The following DACH1 variants were observed in gnomAD, a reference collection of about 807,000 sequenced individuals.
The protein encoded by DACH1 is dachshund family transcription factor 1, also known as dachshund homolog 1.
A neutral mutation model predicts 54.2 loss-of-function variants in DACH1; 12 were observed. The observed-to-expected ratio is 0.22, with a 90% CI of 0.14 to 0.36. DACH1 has a LOEUF of 0.36. Ranked by LOEUF, DACH1 falls within the 10% of genes least tolerant of loss-of-function variation. The probability of loss-of-function intolerance (pLI) is 1.00; values close to 1 mark genes in which losing one functional copy is unlikely to be tolerated. For missense variants in DACH1, 805 were observed against 929.8 expected (o/e 0.87, Z 1.75); for synonymous variants, 386 against 366.2 (o/e 1.05, Z -0.62).
At chr13:71,739,292 G>C (rs941689338) in intron 1 of DACH1, among the ~76,000 whole-genome samples, 1 of 151,884 alleles carries the variant, frequency 6.6e-6, no homozygotes, top group African/African-American at 2.4e-5. Context: ...CCAATGAAAA[G>C]AAGTGATGGA....
At chr13:71,725,309 G>A (rs1883420746) in intron 1 of DACH1, among the ~76,000 whole-genome samples, 4 of 151,960 alleles carry the variant, frequency 2.6e-5, no homozygotes, top group African/African-American at 4.8e-5. Context: ...CAAAAAAGAA[G>A]ACAAAAGAGA....
chr13:71,769,028 T>C (rs1305680183), intron 1 of DACH1, among the ~76,000 whole-genome samples: 1 of 151,804 alleles, frequency 6.6e-6, no homozygotes, highest in Admixed American at 6.6e-5. Flanking sequence ...AACATAGCAG[T>C]TCTCTCAGAT....
chr13:71,831,876 T>C (rs186978045), intron 1 of DACH1, among the ~76,000 whole-genome samples: 1 of 152,088 alleles, frequency 6.6e-6, no homozygotes, highest in Non-Finnish European at 1.5e-5. Flanking sequence ...CATCTCTTAT[T>C]AGATTACAAT....
chr13:71,715,155 T>C (rs1253266482), intron 1 of DACH1, among the ~76,000 whole-genome samples: 1 of 152,106 alleles, frequency 6.6e-6, no homozygotes, highest in Admixed American at 6.6e-5. Context: ...TATCTCCGAC[T>C]TCAAAGCCTG....
At chr13:71,801,312 C>T (rs186744504) in intron 1 of DACH1, among the ~76,000 whole-genome samples, 1 of 152,216 alleles carries the variant, frequency 6.6e-6, no homozygotes, top group Admixed American at 6.6e-5. Flanking sequence ...TTAGTACCTA[C>T]TAAGCCATAG....
chr13:71,440,467 C>T lies in DACH1; in HGVS notation c.*188G>A. 1.9e-6 allele frequency: 1 copy of T among 525,022 alleles called. No individual in the cohort carries two copies. Among genetic ancestry groups the T allele is most frequent in the Non-Finnish European group, 3.3e-6 (1 of 300,160 alleles). The allele number at this position is 525,022 out of a possible 1,614,324, so 32.5% of individuals were successfully genotyped here. ...AACATTCTCAGGTCTCTGGTATGAACCACAGGTGAAAATCAATGGAGAAAA... is the reference window on the plus strand; with the variant it reads ...AACATTCTCAGGTCTCTGGTATGAATCACAGGTGAAAATCAATGGAGAAAA... On this transcript the variant is annotated 3_prime_UTR_variant, in exon 11 of 11. Transcript: ENST00000613252.
chr13:71,540,471 T>G lies in DACH1; in HGVS notation c.1570+16553A>C, dbSNP rs764267551. Among the ~76,000 whole-genome samples, 89 of 152,258 alleles carry G rather than the reference T, an allele frequency of 5.8e-4. 1 individual carries two copies. The highest frequency in any genetic ancestry group is 1.1e-3 in the Non-Finnish European group (73 of 67,996). ...GACAGGATGCCTCTTTTGTTTTAAC[T>G]ATAAACCATAATCTTTCAGAAGTAA... On this transcript the variant is annotated intron_variant, in intron 6 of 10. Coordinates refer to ENST00000613252, the MANE Select transcript of DACH1 (RefSeq NM_080759.6).
intron 10 of DACH1, among the ~76,000 whole-genome samples, chr13:71,454,139 C>T (rs932686630): frequency 6.6e-6 from 1 of 152,062 alleles, no homozygotes; most frequent in African/African-American, 2.4e-5. Context: ...TGAAATGAAG[C>T]CTGGAGAAAG....
intron 10 of DACH1, among the ~76,000 whole-genome samples, chr13:71,454,661 C>T (rs1171233740): frequency 1.3e-5 from 2 of 152,254 alleles, no homozygotes; most frequent in Admixed American, 1.3e-4. Context: ...CCCAGGCCCT[C>T]AGTCTAGCAC....
chr13:71,513,828 T>G (rs1048211046), intron 6 of DACH1, among the ~76,000 whole-genome samples: 1 of 152,094 alleles, frequency 6.6e-6, no homozygotes, highest in Non-Finnish European at 1.5e-5. Context: ...GGTAGATTTG[T>G]TCTCTGTGTA....
intron 1 of DACH1, among the ~76,000 whole-genome samples, chr13:71,863,126 A>C (rs990206246): frequency 7.2e-5 from 11 of 152,144 alleles, no homozygotes; most frequent in Non-Finnish European, 1.6e-4. Context: ...AAGTAATCAT[A>C]ATTTTATAAA....
At chr13:71,710,739 C>T (rs1208901180) in intron 1 of DACH1, among the ~76,000 whole-genome samples, 1 of 152,106 alleles carries the variant, frequency 6.6e-6, no homozygotes, top group Non-Finnish European at 1.5e-5. Flanking sequence ...CATTTCCTTT[C>T]TTCCCTCTTT....
chr13:71,756,113 C>G (rs1364780124), intron 1 of DACH1, among the ~76,000 whole-genome samples: 2 of 152,092 alleles, frequency 1.3e-5, no homozygotes, highest in Non-Finnish European at 2.9e-5. Context: ...TCACTGCAAT[C>G]TCTGCCTCCC....
At chr13:71,766,108 G>A (rs1397384639) in intron 1 of DACH1, among the ~76,000 whole-genome samples, 2 of 151,944 alleles carry the variant, frequency 1.3e-5, no homozygotes, top group Non-Finnish European at 2.9e-5. Context: ...GGATGGTCTC[G>A]GTCTCCTGAC....
intron 1 of DACH1, among the ~76,000 whole-genome samples, chr13:71,864,401 T>C (rs1874574592): frequency 6.6e-6 from 1 of 152,120 alleles, no homozygotes; most frequent in South Asian, 2.1e-4. Context: ...TCTTTCTCCA[T>C]GGAAAAAAGA....
At chr13:71,748,896 T>TTC (rs10587621) in intron 1 of DACH1, among the ~76,000 whole-genome samples, 1 of 64,946 alleles carries the variant, frequency 1.5e-5, no homozygotes, top group Non-Finnish European at 2.9e-5. Context: ...CTTTCTTTCT[T>TTC]TCTCTTTCTT....
rs560593797 is a variant in DACH1 at position 71,480,726 on chromosome 13, G to A, written c.1723-1410C>T. On this transcript the variant is annotated intron_variant, in intron 7 of 10. Coordinates refer to ENST00000613252, the MANE Select transcript of DACH1 (RefSeq NM_080759.6). ...TGCAAGAAGACATTGTGAGCAGTTC[G>A]AATCAGGAATTTCTACTCCAGCTTG... 7.7e-4 allele frequency among the ~76,000 whole-genome samples: 117 copies of A among 152,250 alleles called. 1 individual carries two copies. Among genetic ancestry groups the A allele is most frequent in the Middle Eastern group, 6.8e-3 (2 of 294 alleles).
chr13:71,568,822 T>C (rs1885038714), intron 4 of DACH1, among the ~76,000 whole-genome samples: 1 of 152,078 alleles, frequency 6.6e-6, no homozygotes, highest in South Asian at 2.1e-4. Flanking sequence ...ATGGGTATCA[T>C]TGACACATAA....
rs756962982 is a variant in DACH1 at position 71,559,820 on chromosome 13, G to A, written c.1435C>T (p.Pro479Ser). Residue 479 changes from proline (P) to serine (S), a missense_variant and splice_region_variant, in exon 5 of 11, where the codon CCG (proline) becomes TCG (serine). Transcript: ENST00000613252. The part of the protein sequence containing the change: ...ARTESSSDRI[P>S]VHQNGLSMNQ... ...TGACAAGTAGAAGTATGAGACCTAC[G>A]GATTCTGTCAGAAGAGCTCTCAGTC... The A allele has an allele frequency of 4.3e-6, 7 of 1,613,540 alleles. No homozygotes were observed. The highest frequency in any genetic ancestry group is 1.7e-5 in the Admixed American group (1 of 59,946).
Sources: gnomAD v4.1 joint callset for allele counts (sites outside exome capture counted in the v4.1 genomes callset) on GRCh38, gnomAD v4.1.1 for gene constraint, MANE v1.5 for transcripts, NCBI Gene and HGNC (gene_info 2026-07-23, HGNC 2026-07-21) for gene names.